Variants in DMAC2L observed in about 807,000 individuals in gnomAD.
DMAC2L encodes distal membrane arm assembly component 2 like, also known as ATP synthase subunit s, mitochondrial.
DMAC2L carries 21 observed loss-of-function variants against 22.5 expected under a neutral mutation model. The ratio of observed to expected loss-of-function variants is 0.93; its 90% CI spans 0.66 to 1.34. The LOEUF (loss-of-function observed/expected upper bound fraction) is 1.34, where lower values mean the gene tolerates loss of function less well. DMAC2L is among the 40% of genes most tolerant of loss of function. The pLI, the probability that DMAC2L is intolerant of heterozygous loss-of-function variation, is 0.00. For synonymous variants in DMAC2L, 86 were observed against 89.5 expected (o/e 0.96, Z 0.22); for missense variants, 239 against 246.5 (o/e 0.97, Z 0.20).
chr14:50,316,614 C>T (rs956465921), intron 2 of DMAC2L, among the ~76,000 whole-genome samples: 1 of 152,196 alleles, frequency 6.6e-6, no homozygotes, highest in African/African-American at 2.4e-5. Flanking sequence ...CTACATGTGG[C>T]TTGCCAGTTA....
At chr14:50,321,039 C>A (rs1052798861) in intron 2 of DMAC2L, among the ~76,000 whole-genome samples, 4 of 152,148 alleles carry the variant, frequency 2.6e-5, no homozygotes, top group African/African-American at 9.7e-5. Context: ...ATAGGTAGAT[C>A]TATTTTCATG....
chr14:50,319,112 A>G (rs117585068), intron 2 of DMAC2L: 15,430 of 1,484,972 alleles, frequency 0.01, 115 homozygotes, highest in Middle Eastern at 0.016. Flanking sequence ...GGCTAAGAGA[A>G]AACAGCCTGA....
chr14:50,325,783 C>T lies in DMAC2L; in HGVS notation c.*60C>T. On this transcript the variant is annotated 3_prime_UTR_variant, in exon 6 of 6. Transcript: ENST00000557421. ...TGAAACTGTTGATTCCAAACATCAA[C>T]TAATATTATATAGTCATCAGTAGAA... is the stretch of plus-strand genomic sequence containing the variant. 1 of 1,568,360 alleles carries T rather than the reference C, an allele frequency of 6.4e-7. No individual in the cohort carries two copies. The highest frequency in any genetic ancestry group is 2.3e-5 in the East Asian group (1 of 43,662).
intron 3 of DMAC2L, 85 bp from the exon 4 acceptor site, chr14:50,322,426 G>A (rs1189522994): frequency 5.9e-6 from 8 of 1,348,536 alleles, no homozygotes; most frequent in African/African-American, 2.9e-5. Flanking sequence ...AATTTGTTGC[G>A]TTCTGTATTA....
At chr14:50,322,802 C>G in intron 4 of DMAC2L, 83 bp downstream of exon 4, 1 of 1,591,384 alleles carries the variant, frequency 6.3e-7, no homozygotes, top group Non-Finnish European at 8.6e-7. Context: ...CGATTATAGT[C>G]ATAGGTATGT....
At chr14:50,311,731 G>A (rs115062923), upstream of DMAC2L, among the ~76,000 whole-genome samples, 486 of 152,326 alleles carry the variant, frequency 3.2e-3, 1 homozygote, top group African/African-American at 9.5e-3. Flanking sequence ...CTTTAAGGAG[G>A]TTAAGTAACT....
chr14:50,312,030 T>C (rs1025258015), upstream of DMAC2L: 24 of 1,576,506 alleles, frequency 1.5e-5, no homozygotes, highest in African/African-American at 3.0e-4. Context: ...GCGCTGCGGC[T>C]ACCTCCACAC....
chr14:50,313,133 T>A (rs796932525), intron 1 of DMAC2L: 13 of 1,260,556 alleles, frequency 1.0e-5, no homozygotes, highest in Admixed American at 8.9e-5. Flanking sequence ...ACCTTCTAAC[T>A]CTTTAAAATT....
chr14:50,319,121 G>T, intron 2 of DMAC2L: 1 of 1,501,700 alleles, frequency 6.7e-7, no homozygotes, highest in Non-Finnish European at 8.9e-7. Context: ...AAAACAGCCT[G>T]AGTAGAAGCT....
intron 1 of DMAC2L, 99 bp downstream of exon 1, chr14:50,312,488 C>T: frequency 2.4e-6 from 1 of 410,278 alleles, no homozygotes; most frequent in South Asian, 2.7e-5. Flanking sequence ...AAAACCTGGC[C>T]CTTTGGGTCG....
At position 50,314,464 on chromosome 14, in the gene DMAC2L, C is replaced by G. The variant is rs1057447499; in HGVS notation, c.-41-127C>G. 1.6e-5 allele frequency: 7 copies of G among 448,178 alleles called. No homozygotes were observed. The East Asian group carries it at 4.2e-4, about 27-fold the overall frequency. The allele number at this position is 448,178 out of a possible 1,614,324, so 27.8% of individuals were successfully genotyped here. On this transcript the variant is annotated intron_variant, in intron 1 of 5. Coordinates refer to ENST00000557421, the MANE Select transcript of DMAC2L (RefSeq NM_001382507.1). ...TCAGCAGTGTGAAAATGGACTAATA[C>G]AAGTACATTCAACTGTTCACTCATT... is the stretch of plus-strand genomic sequence containing the variant.
intron 5 of DMAC2L, among the ~76,000 whole-genome samples, chr14:50,325,101 G>GT (rs1366588546): frequency 6.7e-6 from 1 of 149,838 alleles, no homozygotes; most frequent in African/African-American, 2.5e-5. Flanking sequence ...AAATCCCTGT[G>GT]TTAGAGATCT....
At chr14:50,317,606 T>C (rs1424395354) in intron 2 of DMAC2L, among the ~76,000 whole-genome samples, 1 of 152,058 alleles carries the variant, frequency 6.6e-6, no homozygotes, top group Non-Finnish European at 1.5e-5. Flanking sequence ...CCATCTCTAC[T>C]AAAAATACAA....
intron 2 of DMAC2L, among the ~76,000 whole-genome samples, chr14:50,316,039 T>A (rs1366824180): frequency 6.6e-6 from 1 of 152,194 alleles, no homozygotes; most frequent in Non-Finnish European, 1.5e-5. Flanking sequence ...TGTAGAAGTG[T>A]TCCCTTTACA....
At chr14:50,321,722 A>G (rs2032293958) in intron 3 of DMAC2L, 128 bp downstream of exon 3, 1 of 566,980 alleles carries the variant, frequency 1.8e-6, no homozygotes, top group Non-Finnish European at 3.0e-6. Context: ...TTTACAAACA[A>G]ACAAAACCCA....
In DMAC2L at chr14:50,321,566, T is replaced by G; in HGVS notation, c.79T>G (p.Trp27Gly). 2 of 1,613,982 alleles carry G rather than the reference T, an allele frequency of 1.2e-6. No homozygotes were observed. The highest frequency in any genetic ancestry group is 1.7e-6 in the Non-Finnish European group (2 of 1,179,860). The change falls in exon 3 of 6, where the codon TGG becomes GGG. Residue 27 changes from tryptophan (W) to glycine (G), a missense_variant. Transcript: ENST00000557421. The part of the protein sequence containing the change: ...LPWSCDSRYF[W>G]GWLNAVFNKV... ...ATGGTCATGTGACTCCAGATACTTC[T>G]GGGGCTGGTTGAATGCAGTGTTTAA...
At position 50,322,693 on chromosome 14, in the gene DMAC2L, T is replaced by C; in HGVS notation, c.290T>C (p.Ile97Thr). The C allele has an allele frequency of 6.2e-7, 1 of 1,614,182 alleles. No individual in the cohort carries two copies. Among genetic ancestry groups the C allele is most frequent in the South Asian group, 1.1e-5 (1 of 91,080 alleles). ...GCGATCGACGCCACCGACTCTTGTA[T>C]CATGAGCATTGGATTTGATCACATG... ...IQAIDATDSC[I>T]MSIGFDHMEG... The change falls in exon 4 of 6, where the codon ATC becomes ACC. Residue 97 changes from isoleucine to threonine, a missense_variant. Physicochemically the swap from Ile to Thr is moderately conservative, Grantham distance 89. Transcript: ENST00000557421.
chr14:50,322,685 C>T lies in DMAC2L; in HGVS notation c.282C>T (p.Asp94=), dbSNP rs917714049. 6.2e-7 allele frequency: 1 copy of T among 1,614,194 alleles called. No homozygotes were observed. Among genetic ancestry groups the T allele is most frequent in the Non-Finnish European group, 8.5e-7 (1 of 1,180,048 alleles). The change falls in exon 4 of 6, where the codon GAC becomes GAT. Residue 94 remains aspartate, a synonymous_variant. Transcript: ENST00000557421. ...KYKIQAIDAT[D]SCIMSIGFDH... ...AGATTCAGGCGATCGACGCCACCGA[C>T]TCTTGTATCATGAGCATTGGATTTG...
chr14:50,323,067 G>T (rs1343205788), intron 4 of DMAC2L: 32 of 975,504 alleles, frequency 3.3e-5, no homozygotes, highest in Admixed American at 1.3e-4. Flanking sequence ...CTGCTTACGT[G>T]GGCATTTTTT....
Sources: allele counts gnomAD v4.1 joint callset (sites outside exome capture counted in the v4.1 genomes callset), GRCh38; gene constraint gnomAD v4.1.1; transcripts MANE v1.5; gene names NCBI Gene and HGNC (gene_info 2026-07-23, HGNC 2026-07-21).